The following NCAM2 variants were observed in gnomAD, a reference collection of about 807,000 sequenced individuals.
NCAM2 encodes N-CAM-2.
A neutral mutation model predicts 98.1 loss-of-function variants in NCAM2; 30 were observed. The observed-to-expected ratio is 0.31, with a 90% CI of 0.23 to 0.41. NCAM2 has a LOEUF of 0.41. NCAM2 is among the 10% of genes least tolerant of loss of function. NCAM2 has a pLI of 1.00. For synonymous variants in NCAM2, 368 were observed against 342.4 expected, an observed-to-expected ratio of 1.07 and a Z score of -0.83; for missense variants, 867 against 1,005.8, an observed-to-expected ratio of 0.86 and a Z score of 1.87.
At chr21:21,447,130 CA>C (rs2146108712) in intron 12 of NCAM2, among the ~76,000 whole-genome samples, 1 of 152,198 alleles carries the variant, frequency 6.6e-6, no homozygotes, top group South Asian at 2.1e-4. Flanking sequence ...CTAGAGGCAT[CA>C]AGCTACCTGA....
At chr21:21,533,498 C>T (rs1166099040) in intron 16 of NCAM2, among the ~76,000 whole-genome samples, 1 of 151,858 alleles carries the variant, frequency 6.6e-6, no homozygotes, top group African/African-American at 2.4e-5. Flanking sequence ...TACCGATGGA[C>T]CACAGCTTAC....
At chr21:21,059,234 C>A (rs1718174084) in intron 1 of NCAM2, among the ~76,000 whole-genome samples, 1 of 151,784 alleles carries the variant, frequency 6.6e-6, no homozygotes. Context: ...AGGACTAGAT[C>A]CAAGCCAGGA....
intron 9 of NCAM2, among the ~76,000 whole-genome samples, chr21:21,396,700 A>G (rs562466239): frequency 1.8e-4 from 28 of 152,296 alleles, no homozygotes; most frequent in African/African-American, 6.7e-4. Flanking sequence ...TGCAAGGCTG[A>G]ACCAGGTGTA....
intron 1 of NCAM2, among the ~76,000 whole-genome samples, chr21:21,119,056 T>A (rs1345357328): frequency 6.6e-6 from 1 of 152,194 alleles, no homozygotes; most frequent in East Asian, 1.9e-4. Context: ...TTTATTTTGT[T>A]TTGATCATAC....
intron 5 of NCAM2, among the ~76,000 whole-genome samples, chr21:21,315,842 G>A (rs1233352080): frequency 6.6e-6 from 1 of 152,140 alleles, no homozygotes; most frequent in African/African-American, 2.4e-5. Context: ...TCAAATAGAT[G>A]ACATACATAT....
At chr21:21,408,950 T>A (rs2076799352) in intron 9 of NCAM2, among the ~76,000 whole-genome samples, 1 of 151,010 alleles carries the variant, frequency 6.6e-6, no homozygotes, top group African/African-American at 2.4e-5. Context: ...AATTAGTAGA[T>A]ATAACAAAAC....
intron 17 of NCAM2, among the ~76,000 whole-genome samples, chr21:21,536,369 G>C (rs1242301014): frequency 1.3e-5 from 2 of 150,840 alleles, no homozygotes; most frequent in Admixed American, 1.3e-4. Context: ...AAGTCACAGA[G>C]ATGGATTGGA....
At chr21:21,173,143 A>G (rs190551959) in intron 1 of NCAM2, among the ~76,000 whole-genome samples, 16 of 152,282 alleles carry the variant, frequency 1.1e-4, no homozygotes, top group African/African-American at 2.9e-4. Flanking sequence ...AATTAGAAAA[A>G]TTATTCCTTT....
At chr21:21,404,152 C>T (rs1397790080) in intron 9 of NCAM2, among the ~76,000 whole-genome samples, 2 of 152,062 alleles carry the variant, frequency 1.3e-5, no homozygotes, top group Non-Finnish European at 1.5e-5. Flanking sequence ...TTATGCCTCT[C>T]AACAAATAAA....
At chr21:21,429,851 A>C (rs1334977074) in intron 11 of NCAM2, among the ~76,000 whole-genome samples, 1 of 152,130 alleles carries the variant, frequency 6.6e-6, no homozygotes, top group Non-Finnish European at 1.5e-5. Context: ...ATTAGAGTTG[A>C]AATATACACT....
At chr21:21,052,674 C>T (rs1027431776) in intron 1 of NCAM2, among the ~76,000 whole-genome samples, 5 of 152,108 alleles carry the variant, frequency 3.3e-5, no homozygotes, top group Admixed American at 3.3e-4. Flanking sequence ...GGCAAATAGA[C>T]CTCTGGTGGC....
chr21:21,288,119 A>T (rs2073166166), intron 4 of NCAM2, among the ~76,000 whole-genome samples: 1 of 151,960 alleles, frequency 6.6e-6, no homozygotes, highest in African/African-American at 2.4e-5. Flanking sequence ...TATCCATAAT[A>T]TCAAATACAA....
chr21:21,174,568 T>A (rs1446295839), intron 1 of NCAM2, among the ~76,000 whole-genome samples: 1 of 152,162 alleles, frequency 6.6e-6, no homozygotes, highest in Non-Finnish European at 1.5e-5. Flanking sequence ...CCACAGACTA[T>A]GTTTCTGGAA....
intron 16 of NCAM2, among the ~76,000 whole-genome samples, chr21:21,532,427 A>C (rs1365633855): frequency 6.6e-6 from 1 of 152,140 alleles, no homozygotes; most frequent in Non-Finnish European, 1.5e-5. Context: ...GTCACCAAAA[A>C]CAAAAATAAG....
chr21:21,456,693 T>A (rs1297441576), intron 12 of NCAM2, among the ~76,000 whole-genome samples: 1 of 152,086 alleles, frequency 6.6e-6, no homozygotes, highest in Non-Finnish European at 1.5e-5. Context: ...CCCTCAAAAT[T>A]TATATATTGA....
chr21:21,328,025 A>T (rs1381174492), intron 6 of NCAM2, among the ~76,000 whole-genome samples: 2 of 152,166 alleles, frequency 1.3e-5, no homozygotes, highest in African/African-American at 4.8e-5. Flanking sequence ...AATTTCATAA[A>T]TTTAATTTAT....
At chr21:21,497,749 G>C (rs1368906867) in intron 15 of NCAM2, among the ~76,000 whole-genome samples, 1 of 151,982 alleles carries the variant, frequency 6.6e-6, no homozygotes, top group Non-Finnish European at 1.5e-5. Context: ...AAAGAAATTC[G>C]GTAGTAAGTA....
intron 1 of NCAM2, among the ~76,000 whole-genome samples, chr21:21,101,306 G>GCAAA (rs1263776170): frequency 6.6e-6 from 1 of 151,900 alleles, no homozygotes; most frequent in African/African-American, 2.4e-5. Context: ...TAAAAATACA[G>GCAAA]CAAACACATA....
chr21:21,386,371 A>G (rs923423193), intron 9 of NCAM2, among the ~76,000 whole-genome samples: 1 of 152,210 alleles, frequency 6.6e-6, no homozygotes, highest in Non-Finnish European at 1.5e-5. Flanking sequence ...CCTGACTTTT[A>G]CACTCACCAT....
Sources: allele counts gnomAD v4.1 joint callset (sites outside exome capture counted in the v4.1 genomes callset), GRCh38; gene constraint gnomAD v4.1.1; transcripts MANE v1.5; gene names NCBI Gene and HGNC (gene_info 2026-07-23, HGNC 2026-07-21).